Variants in PPP1CB observed in about 807,000 individuals in gnomAD.
The protein encoded by PPP1CB is protein phosphatase 1 catalytic subunit beta, also known as serine/threonine-protein phosphatase PP1-beta catalytic subunit.
In PPP1CB, 2 loss-of-function variants were observed where a neutral mutation model predicts 43.7. The observed-to-expected ratio is 0.05, with a 90% confidence interval of 0.02 to 0.14. PPP1CB has a LOEUF of 0.14. PPP1CB is among the 10% of genes least tolerant of loss of function. The pLI is 1.00. For synonymous variants in PPP1CB, 136 were observed against 135.6 expected, an observed-to-expected ratio of 1.00 and a Z score of -0.02; for missense variants, 84 against 398.0, an observed-to-expected ratio of 0.21 and a Z score of 6.71.
At chr2:28,776,449 G>A (rs1667046207) in intron 1 of PPP1CB, among the ~76,000 whole-genome samples, 1 of 151,918 alleles carries the variant, frequency 6.6e-6, no homozygotes, top group South Asian at 2.1e-4. Context: ...TTGGAGAGAT[G>A]GGGTTTCTCC....
intron 5 of PPP1CB, among the ~76,000 whole-genome samples, chr2:28,784,216 A>T (rs1667213287): frequency 6.6e-6 from 1 of 152,222 alleles, no homozygotes; most frequent in Non-Finnish European, 1.5e-5. Flanking sequence ...ATCACAAAAA[A>T]GATTTTGCTG....
At chr2:28,770,282 A>G (rs1444535327) in intron 1 of PPP1CB, among the ~76,000 whole-genome samples, 1 of 151,264 alleles carries the variant, frequency 6.6e-6, no homozygotes, top group Admixed American at 6.6e-5. Flanking sequence ...AGGAGCAAAC[A>G]TTGAAATTAA....
At chr2:28,779,157 GC>G in intron 3 of PPP1CB, 118 bp downstream of exon 3, 1 of 691,908 alleles carries the variant, frequency 1.4e-6, no homozygotes, top group Non-Finnish European at 2.3e-6. Flanking sequence ...TCAGGCATAG[GC>G]CAGGAAGAGG....
intron 4 of PPP1CB, 78 bp from the exon 5 acceptor site, chr2:28,783,829 A>G: frequency 1.0e-6 from 1 of 968,218 alleles, no homozygotes; most frequent in South Asian, 1.4e-5. Flanking sequence ...TATTTTGATT[A>G]AATGCTTTTT....
chr2:28,779,580 T>C (rs1236144665), intron 3 of PPP1CB, among the ~76,000 whole-genome samples: 1 of 152,242 alleles, frequency 6.6e-6, no homozygotes, highest in Admixed American at 6.5e-5. Flanking sequence ...ATTGTATGTT[T>C]CCAAGTGTTA....
In PPP1CB at chr2:28,772,260, CA is replaced by C. The variant is rs544089856; in HGVS notation, c.53-4590del. Among the ~76,000 whole-genome samples the C allele has an allele frequency of 2.5e-3, 375 of 152,174 alleles. 2 individuals are homozygous for C. Among genetic ancestry groups the C allele is most frequent in the African/African-American group, 8.4e-3 (350 of 41,512 alleles). Reference sequence around the variant, plus strand: ...AGGTTGCAGTGAGCCATGATCTTGCCACTACACTCCAGCCTGGGTGACGGAG... The same window carrying C: ...AGGTTGCAGTGAGCCATGATCTTGCCCTACACTCCAGCCTGGGTGACGGAG... On this transcript the variant is annotated intron_variant, in intron 1 of 7. Transcript: ENST00000395366.
intron 1 of PPP1CB, among the ~76,000 whole-genome samples, chr2:28,760,811 A>G (rs991800447): frequency 1.3e-4 from 20 of 152,236 alleles, no homozygotes; most frequent in African/African-American, 4.6e-4. Flanking sequence ...CTTTATAGGT[A>G]CTTGTATGTT....
At chr2:28,757,255 C>A (rs932267444) in intron 1 of PPP1CB, among the ~76,000 whole-genome samples, 3 of 152,026 alleles carry the variant, frequency 2.0e-5, no homozygotes, top group Non-Finnish European at 4.4e-5. Context: ...TATGTATACA[C>A]CACATTTTTA....
Position 28,751,995 on chromosome 2 carries a change from A to T in PPP1CB, c.-130A>T. On this transcript the variant is annotated 5_prime_UTR_variant, in exon 1 of 8. It adds an upstream start codon to the 5' untranslated region. Coordinates refer to ENST00000395366, the MANE Select transcript of PPP1CB (RefSeq NM_002709.3). The stretch of plus-strand genomic sequence containing the variant: ...GGGGGTGGGGGGAGGGCCCGGGAAA[A>T]GGGGGAGTTGGAGCCGGGGTCGAAA... 3 of 784,790 alleles carry T rather than the reference A, an allele frequency of 3.8e-6. No individual in the cohort carries two copies. Among genetic ancestry groups the T allele is most frequent in the Non-Finnish European group, 6.3e-6 (3 of 478,354 alleles). 48.6% of individuals were successfully genotyped at this position (784,790 alleles called of 1,614,324 possible). A position where few individuals can be genotyped will look rare whatever the true frequency, so the allele number is the denominator to read the frequency against.
rs994972642 is a variant in PPP1CB, at chr2:28,752,004, T to C, written c.-121T>C. ...GGGAGGGCCCGGGAAAAGGGGGAGTTGGAGCCGGGGTCGAAACGCCGCGTG... is the reference window on the plus strand; with the variant it reads ...GGGAGGGCCCGGGAAAAGGGGGAGTCGGAGCCGGGGTCGAAACGCCGCGTG... On this transcript the variant is annotated 5_prime_UTR_variant, in exon 1 of 8. Transcript: ENST00000395366. 21 of 915,086 alleles carry C rather than the reference T, an allele frequency of 2.3e-5. No individual in the cohort carries two copies. Among genetic ancestry groups the C allele is most frequent in the Non-Finnish European group, 3.4e-5 (20 of 584,664 alleles). 56.7% of individuals were successfully genotyped at this position (915,086 alleles called of 1,614,324 possible).
In PPP1CB at chr2:28,783,483, C is replaced by T. The variant is rs918087127; in HGVS notation, c.521-424C>T. Among the ~76,000 whole-genome samples the T allele has an allele frequency of 7.9e-5, 12 of 152,030 alleles. No homozygotes were observed. In the East Asian group the frequency reaches 9.6e-4, roughly 12 times the overall value. On this transcript the variant is annotated intron_variant, in intron 4 of 7. Coordinates refer to ENST00000395366, the MANE Select transcript of PPP1CB (RefSeq NM_002709.3). The stretch of plus-strand genomic sequence containing the variant: ...CTTTAAGACATTAAAAGGGGCAGGG[C>T]GCGGTGGCCCACGCCTGTAATCTCA...
chr2:28,799,351 T>G lies in PPP1CB; in HGVS notation c.*48T>G, dbSNP rs763646371. 2.1e-6 allele frequency: 3 copies of G among 1,432,708 alleles called. No homozygotes were observed. Among genetic ancestry groups the G allele is most frequent in the Middle Eastern group, 1.8e-4 (1 of 5,696 alleles). 88.7% of individuals were successfully genotyped at this position (1,432,708 alleles called of 1,614,324 possible). Reference sequence around the variant, plus strand: ...CCATCAGATTTGTTAAGGACATACTTCATAATATATAAGTGTGCACTGTAA... The same window carrying G: ...CCATCAGATTTGTTAAGGACATACTGCATAATATATAAGTGTGCACTGTAA... On this transcript the variant is annotated 3_prime_UTR_variant, in exon 8 of 8. Coordinates refer to ENST00000395366, the MANE Select transcript of PPP1CB (RefSeq NM_002709.3).
At chr2:28,794,677 C>G (rs916232351) in intron 7 of PPP1CB, among the ~76,000 whole-genome samples, 1 of 151,608 alleles carries the variant, frequency 6.6e-6, no homozygotes, top group Non-Finnish European at 1.5e-5. Context: ...GGCGACAGAG[C>G]GAGACTTGGC....
At chr2:28,785,538 G>A (rs1449688379) in intron 5 of PPP1CB, among the ~76,000 whole-genome samples, 6 of 152,068 alleles carry the variant, frequency 3.9e-5, no homozygotes, top group Non-Finnish European at 7.4e-5. Flanking sequence ...TAGGCCTGGT[G>A]CACTAGTTCA....
chr2:28,774,586 C>T (rs377093573), intron 1 of PPP1CB, among the ~76,000 whole-genome samples: 10 of 152,184 alleles, frequency 6.6e-5, no homozygotes, highest in East Asian at 3.9e-4. Flanking sequence ...CCACCACTCC[C>T]GGCTAATTCT....
At chr2:28,785,792 CAGTG>C (rs1353557785) in intron 5 of PPP1CB, among the ~76,000 whole-genome samples, 2 of 152,012 alleles carry the variant, frequency 1.3e-5, no homozygotes, top group African/African-American at 4.8e-5. Context: ...CTGGGTGACA[CAGTG>C]AGACCCTCTC....
chr2:28,779,174 G>GAAACTGGGAAACATGTTACTA, intron 3 of PPP1CB, 135 bp downstream of exon 3: 1 of 602,004 alleles, frequency 1.7e-6, no homozygotes, highest in Non-Finnish European at 2.8e-6. Context: ...AGAGGAACCT[G>GAAACTGGGAAACATGTTACTA]AAACTGGGAA....
intron 3 of PPP1CB, among the ~76,000 whole-genome samples, chr2:28,780,171 C>T (rs2148051005): frequency 6.6e-6 from 1 of 151,062 alleles, no homozygotes; most frequent in East Asian, 2.0e-4. Flanking sequence ...TCACTGCAAC[C>T]TCCGCCTCCC....
At chr2:28,771,055 C>CCTTT (rs1558302176) in intron 1 of PPP1CB, among the ~76,000 whole-genome samples, 1 of 59,600 alleles carries the variant, frequency 1.7e-5, no homozygotes. Context: ...CCCCCCCACC[C>CCTTT]TTTTTTTTTT....
Sources: allele counts gnomAD v4.1 joint callset (sites outside exome capture counted in the v4.1 genomes callset), GRCh38; gene constraint gnomAD v4.1.1; transcripts MANE v1.5; gene names NCBI Gene and HGNC (gene_info 2026-07-23, HGNC 2026-07-21).